The following AGBL2 variants were observed in gnomAD, a reference collection of about 807,000 sequenced individuals.
AGBL2 encodes the protein cytosolic carboxypeptidase 2.
A neutral mutation model predicts 103.0 loss-of-function variants in AGBL2; 87 were observed. That is an observed-to-expected ratio of 0.84 (90% CI 0.71 to 1.01). The LOEUF is 1.01. Ranked by LOEUF, AGBL2 falls within the 50% of genes least tolerant of loss-of-function variation. The pLI, the probability that AGBL2 is intolerant of heterozygous loss-of-function variation, is 0.00. For missense variants in AGBL2, 904 were observed against 1,023.5 expected, an observed-to-expected ratio of 0.88 and a Z score of 1.59; for synonymous variants, 335 against 356.7, an observed-to-expected ratio of 0.94 and a Z score of 0.69.
intron 9 of AGBL2, 84 bp downstream of exon 9, chr11:47,692,019 C>T (rs2097449497): frequency 1.6e-6 from 2 of 1,281,624 alleles, no homozygotes; most frequent in Non-Finnish European, 1.0e-6. Flanking sequence ...TTCTTTTTTG[C>T]AAGTACTTCT....
chr11:47,707,327 C>T (rs1431422484), intron 4 of AGBL2, among the ~76,000 whole-genome samples: 1 of 152,160 alleles, frequency 6.6e-6, no homozygotes, highest in Non-Finnish European at 1.5e-5. Flanking sequence ...CTGAAAAAGA[C>T]ATACCTGAGA....
At chr11:47,706,344 G>C (rs1299075543) in intron 4 of AGBL2, among the ~76,000 whole-genome samples, 2 of 151,912 alleles carry the variant, frequency 1.3e-5, no homozygotes, top group African/African-American at 4.8e-5. Context: ...GTGAAATCCT[G>C]TCTCTACTAA....
intron 17 of AGBL2, among the ~76,000 whole-genome samples, chr11:47,666,312 T>G (rs2097341122): frequency 6.6e-6 from 1 of 150,768 alleles, no homozygotes. Context: ...GAGAATCACT[T>G]GAACCCAAGA....
chr11:47,679,015 C>T (rs950837567), intron 13 of AGBL2, among the ~76,000 whole-genome samples: 6 of 131,360 alleles, frequency 4.6e-5, no homozygotes, highest in East Asian at 4.6e-4. Flanking sequence ...GCCAAGTTCG[C>T]GCCACTGCAC....
At chr11:47,680,338 G>C (rs1031659107) in intron 12 of AGBL2, among the ~76,000 whole-genome samples, 13 of 152,070 alleles carry the variant, frequency 8.5e-5, no homozygotes, top group Admixed American at 5.2e-4. Context: ...CCTGTAGCCT[G>C]TAGTCCTATC....
chr11:47,676,789 G>A (rs886110452), intron 14 of AGBL2, among the ~76,000 whole-genome samples: 2 of 146,772 alleles, frequency 1.4e-5, no homozygotes, highest in African/African-American at 2.6e-5. Context: ...ACTGCAGCCT[G>A]GGCGACAGAG....
At chr11:47,699,340 G>A in intron 8 of AGBL2, 106 bp downstream of exon 8, 1 of 619,870 alleles carries the variant, frequency 1.6e-6, no homozygotes, top group Non-Finnish European at 2.6e-6. Flanking sequence ...CTGGAAAAGA[G>A]TTTACCACTA....
chr11:47,713,859 G>A (rs1217000489), intron 3 of AGBL2, among the ~76,000 whole-genome samples: 1 of 152,032 alleles, frequency 6.6e-6, no homozygotes, highest in African/African-American at 2.4e-5. Flanking sequence ...AAAGTGCTGT[G>A]ATTACAGGTG....
rs541665846 is a variant in AGBL2 at position 47,661,793 on chromosome 11, C to T, written c.2535+1233G>A. On this transcript the variant is annotated intron_variant, in intron 18 of 18. Transcript: ENST00000525123. ...TTTTGGAGACAGAGTCTCACTCTGT[C>T]GCCCAGGCTGCAGTGGTGCGATCTC... Among the ~76,000 whole-genome samples the T allele has an allele frequency of 1.3e-4, 19 of 151,584 alleles. No homozygotes were observed. The South Asian group carries it at 2.9e-3, about 23-fold the overall frequency.
chr11:47,701,402 G>A (rs1279921081), intron 7 of AGBL2, among the ~76,000 whole-genome samples: 1 of 151,248 alleles, frequency 6.6e-6, no homozygotes, highest in Non-Finnish European at 1.5e-5. Flanking sequence ...CCTGGGAGGC[G>A]GAGGTTGCAG....
At chr11:47,698,385 T>A (rs758893279) in intron 8 of AGBL2, among the ~76,000 whole-genome samples, 1 of 151,892 alleles carries the variant, frequency 6.6e-6, no homozygotes, top group Non-Finnish European at 1.5e-5. Context: ...TTGGTCAGGC[T>A]GGTCTGGAAC....
chr11:47,661,933 G>C (rs1375540997), intron 18 of AGBL2, among the ~76,000 whole-genome samples: 1 of 151,824 alleles, frequency 6.6e-6, no homozygotes, highest in African/African-American at 2.4e-5. Flanking sequence ...GTTTTTAGTA[G>C]AGACAGGGTT....
At chr11:47,679,661 T>A (rs2097393679) in intron 13 of AGBL2, among the ~76,000 whole-genome samples, 1 of 151,806 alleles carries the variant, frequency 6.6e-6, no homozygotes, top group Non-Finnish European at 1.5e-5. Context: ...CTTTTTTTTT[T>A]TTTTGAGTCT....
At chr11:47,713,935 G>A (rs1160815423) in intron 3 of AGBL2, 1 of 210,962 alleles carries the variant, frequency 4.7e-6, no homozygotes, top group Non-Finnish European at 9.7e-6. Context: ...AAGAACAGCC[G>A]TGACACTTCT....
chr11:47,663,539 AG>A (rs1312877615), intron 17 of AGBL2, among the ~76,000 whole-genome samples: 1 of 150,076 alleles, frequency 6.7e-6, no homozygotes, highest in Non-Finnish European at 1.5e-5. Context: ...TTACACAGTG[AG>A]GCCTCATTAT....
chr11:47,714,683 A>G lies in AGBL2; in HGVS notation c.-33T>C. ...CTGGATGGTAGGCTGAAAACTAGTC[A>G]GTGACATTAGCATCCAGTCGCAAAC... On this transcript the variant is annotated 5_prime_UTR_variant, in exon 2 of 19. Transcript: ENST00000525123. 1 of 1,611,002 alleles carries G rather than the reference A, an allele frequency of 6.2e-7. No individual in the cohort carries two copies. The highest frequency in any genetic ancestry group is 8.5e-7 in the Non-Finnish European group (1 of 1,177,248).
intron 14 of AGBL2, among the ~76,000 whole-genome samples, chr11:47,670,692 A>AT (rs992674655): frequency 4.5e-5 from 5 of 111,940 alleles, no homozygotes; most frequent in African/African-American, 6.2e-5. Flanking sequence ...CCCTGTCTCT[A>AT]TTAAAAAAAA....
chr11:47,695,945 AC>A (rs2097468207), intron 8 of AGBL2, among the ~76,000 whole-genome samples: 1 of 142,304 alleles, frequency 7.0e-6, no homozygotes, highest in East Asian at 2.1e-4. Flanking sequence ...CAGGTGGATC[AC>A]TTGAGGCCAG....
chr11:47,703,946 A>AC (rs1032901782), intron 7 of AGBL2, among the ~76,000 whole-genome samples: 4 of 150,544 alleles, frequency 2.7e-5, no homozygotes, highest in African/African-American at 4.9e-5. Flanking sequence ...AAAAACAAAA[A>AC]AAAAACTAGC....
Sources: allele counts gnomAD v4.1 joint callset (sites outside exome capture counted in the v4.1 genomes callset), GRCh38; gene constraint gnomAD v4.1.1; transcripts MANE v1.5; gene names NCBI Gene and HGNC (gene_info 2026-07-23, HGNC 2026-07-21).